RUFY2: variants seen among roughly 807,000 people sequenced by gnomAD.
The protein encoded by RUFY2 is RUN and FYVE domain-containing protein 2.
A neutral mutation model predicts 94.4 loss-of-function variants in RUFY2; 49 were observed. That is an observed-to-expected ratio of 0.52 (90% CI 0.41 to 0.66). The LOEUF (loss-of-function observed/expected upper bound fraction) is 0.66. RUFY2 is among the 30% of genes least tolerant of loss of function. RUFY2 has a pLI of 0.00. For missense variants in RUFY2, 541 were observed against 692.8 expected (o/e 0.78, Z 2.46); for synonymous variants, 255 against 235.7 (o/e 1.08, Z -0.75).
intron 13 of RUFY2, among the ~76,000 whole-genome samples, chr10:68,375,601 C>G (rs1439140366): frequency 6.6e-6 from 1 of 151,718 alleles, no homozygotes; most frequent in Non-Finnish European, 1.5e-5. Context: ...AGTGAAACCC[C>G]ATCTCTACTA....
At chr10:68,379,971 C>T (rs1274517230) in intron 11 of RUFY2, among the ~76,000 whole-genome samples, 9 of 151,800 alleles carry the variant, frequency 5.9e-5, no homozygotes, top group Admixed American at 1.3e-4. Flanking sequence ...CTGCGCCCAG[C>T]TAATTTTTTT....
intron 13 of RUFY2, 44 bp from the exon 14 acceptor site, chr10:68,364,157 C>T (rs200280510): frequency 2.0e-4 from 316 of 1,579,632 alleles, no homozygotes; most frequent in Non-Finnish European, 2.6e-4. Flanking sequence ...CTATTTCTCA[C>T]ACGACAGTTG....
intron 5 of RUFY2, 24 bp from the exon 6 acceptor site, chr10:68,394,160 A>C: frequency 5.4e-6 from 8 of 1,481,298 alleles, no homozygotes; most frequent in Non-Finnish European, 7.2e-6. Flanking sequence ...AGTTTTTTTT[A>C]ATTTAAAGGG....
At chr10:68,358,957 G>A (rs2047241977) in intron 15 of RUFY2, among the ~76,000 whole-genome samples, 1 of 152,166 alleles carries the variant, frequency 6.6e-6, no homozygotes, top group Non-Finnish European at 1.5e-5. Context: ...GGTATTGATA[G>A]ATTTTTGATT....
At position 68,363,978 on chromosome 10, in the gene RUFY2, A is replaced by G. The variant is rs1368862868; in HGVS notation, c.1455+6T>C. 6 of 1,566,272 alleles carry G rather than the reference A, an allele frequency of 3.8e-6. No individual in the cohort carries two copies. Among genetic ancestry groups the G allele is most frequent in the Middle Eastern group, 3.4e-4 (2 of 5,952 alleles). On this transcript the variant is annotated splice_donor_region_variant and intron_variant, in intron 14 of 17. Transcript: ENST00000602465. ...ACAGAATTTTTAAAGTTTTACCACT[A>G]TTTACTTTTTTAAGACTAATGATTT... is the stretch of plus-strand genomic sequence containing the variant.
At chr10:68,363,426 C>T (rs934998431) in intron 15 of RUFY2, among the ~76,000 whole-genome samples, 164 bp downstream of exon 15, 13 of 152,198 alleles carry the variant, frequency 8.5e-5, no homozygotes, top group African/African-American at 2.4e-4. Flanking sequence ...CCACCCGCCT[C>T]GGCCAGGAAT....
intron 3 of RUFY2, among the ~76,000 whole-genome samples, chr10:68,401,374 T>C (rs910304781): frequency 9.9e-5 from 15 of 152,220 alleles, no homozygotes; most frequent in African/African-American, 3.4e-4. Context: ...AAAAGGACTT[T>C]CAATTTCCTA....
chr10:68,349,818 G>C (rs1242048821), intron 16 of RUFY2, among the ~76,000 whole-genome samples: 1 of 151,920 alleles, frequency 6.6e-6, no homozygotes, highest in Admixed American at 6.6e-5. Context: ...GATTACAGGC[G>C]TGAGCCACCG....
intron 16 of RUFY2, among the ~76,000 whole-genome samples, chr10:68,346,994 C>G (rs2046320987): frequency 6.6e-6 from 1 of 152,058 alleles, no homozygotes; most frequent in Non-Finnish European, 1.5e-5. Flanking sequence ...TGGCATAAGC[C>G]CATAGTCCCA....
chr10:68,368,238 G>A (rs560199648), intron 13 of RUFY2, among the ~76,000 whole-genome samples: 8 of 150,458 alleles, frequency 5.3e-5, no homozygotes, highest in African/African-American at 1.7e-4. Flanking sequence ...AAAGTGCTAG[G>A]ATTACAGGCG....
intron 15 of RUFY2, among the ~76,000 whole-genome samples, chr10:68,362,000 A>G (rs1208177147): frequency 6.6e-6 from 1 of 152,202 alleles, no homozygotes; most frequent in African/African-American, 2.4e-5. Context: ...ATTATGAGAC[A>G]TTGTAGCTTT....
intron 4 of RUFY2, among the ~76,000 whole-genome samples, chr10:68,396,045 C>G (rs1002979544): frequency 2.6e-5 from 4 of 152,214 alleles, no homozygotes; most frequent in African/African-American, 9.6e-5. Context: ...ATCACCCAGG[C>G]TGGAGTGCAG....
chr10:68,345,924 AAAATC>A lies in RUFY2; in HGVS notation c.1678-18_1678-14del. ...TTCTACAGTGGTGCTATTAAACAGA[AAAATC>A]AGAGGGAAAAAAACACTTTAAATAA... On this transcript the variant is annotated splice_polypyrimidine_tract_variant and intron_variant, in intron 17 of 17. Transcript: ENST00000602465. 6.2e-7 allele frequency: 1 copy of A among 1,612,744 alleles called. No individual in the cohort carries two copies. Among genetic ancestry groups the A allele is most frequent in the Non-Finnish European group, 8.5e-7 (1 of 1,179,596 alleles).
intron 8 of RUFY2, among the ~76,000 whole-genome samples, chr10:68,384,451 A>G (rs75713360): frequency 0.04 from 6,039 of 152,328 alleles, 387 homozygotes; most frequent in African/African-American, 0.14. Context: ...TATGATTTAC[A>G]GTATGTCCTG....
chr10:68,345,179 A>C lies in RUFY2; in HGVS notation c.*589T>G, dbSNP rs2046202787. ...TTTAATTTAATCCACTGTAGCTGAA[A>C]ATCTTCAGCAAGCACGACAATAACT... On this transcript the variant is annotated 3_prime_UTR_variant, in exon 18 of 18. Transcript: ENST00000602465. The C allele has an allele frequency of 6.4e-6, 1 of 156,152 alleles. No individual in the cohort carries two copies. Among genetic ancestry groups the C allele is most frequent in the Non-Finnish European group, 1.4e-5 (1 of 70,860 alleles). The allele number at this position is 156,152 out of a possible 1,614,324, so 9.7% of individuals were successfully genotyped here.
At chr10:68,406,700 A>C in intron 1 of RUFY2, 4 of 1,467,006 alleles carry the variant, frequency 2.7e-6, no homozygotes, top group Admixed American at 2.2e-5. Flanking sequence ...CCCTCCCCCC[A>C]GCAAGGCTGC....
intron 4 of RUFY2, among the ~76,000 whole-genome samples, chr10:68,394,924 T>C (rs542309673): frequency 1.6e-3 from 244 of 151,580 alleles, no homozygotes; most frequent in Non-Finnish European, 2.9e-3. Flanking sequence ...CCACCGCGCC[T>C]AGCCAACTTT....
At chr10:68,379,307 CA>C in intron 12 of RUFY2, 116 bp downstream of exon 12, 3 of 778,886 alleles carry the variant, frequency 3.9e-6, no homozygotes, top group African/African-American at 1.8e-5. Context: ...TGGGCTTAAA[CA>C]AAAAACATGT....
intron 13 of RUFY2, among the ~76,000 whole-genome samples, chr10:68,375,235 A>T (rs1214249680): frequency 1.3e-5 from 2 of 150,668 alleles, no homozygotes; most frequent in African/African-American, 2.4e-5. Context: ...TCCACAATTT[A>T]AAAAAAATGT....
Sources: allele counts gnomAD v4.1 joint callset (sites outside exome capture counted in the v4.1 genomes callset), GRCh38; gene constraint gnomAD v4.1.1; transcripts MANE v1.5; gene names NCBI Gene and HGNC (gene_info 2026-07-23, HGNC 2026-07-21).